CARD8: variants seen among roughly 807,000 people sequenced by gnomAD.
The protein encoded by CARD8 is caspase recruitment domain-containing protein 8.
A neutral mutation model predicts 53.2 loss-of-function variants in CARD8; 38 were observed. That is an observed-to-expected ratio of 0.71 (90% CI 0.55 to 0.94). The LOEUF (loss-of-function observed/expected upper bound fraction) is 0.94. Ranked by LOEUF, CARD8 falls within the 40% of genes least tolerant of loss-of-function variation. The pLI is 0.00. For synonymous variants in CARD8, 245 were observed against 244.9 expected (o/e 1.00, Z 0.00); for missense variants, 561 against 655.5 (o/e 0.86, Z 1.57).
downstream of CARD8, among the ~76,000 whole-genome samples, chr19:48,206,722 A>G (rs999459710): frequency 2.6e-5 from 4 of 152,006 alleles, no homozygotes; most frequent in Non-Finnish European, 5.9e-5. Flanking sequence ...TCTGGAGTGT[A>G]CTTTCACTTC....
chr19:48,215,237 GTA>G, intron 13 of CARD8, 101 bp downstream of exon 13: 1 of 811,202 alleles, frequency 1.2e-6, no homozygotes, highest in South Asian at 1.4e-5. Context: ...TTTGCTGCCA[GTA>G]ACGTTCTGGT....
Position 48,248,920 on chromosome 19 carries a change from G to A in CARD8, c.-44+603C>T, listed in dbSNP as rs144036311. On this transcript the variant is annotated intron_variant, in intron 3 of 13. Coordinates refer to ENST00000651546, the MANE Select transcript of CARD8 (RefSeq NM_001184900.3). Reference sequence around the variant, plus strand: ...AATATTTAAAATGTACTATTGGGCCGGGCACGGTGGCTCACGCCTGTAATC... The same window carrying A: ...AATATTTAAAATGTACTATTGGGCCAGGCACGGTGGCTCACGCCTGTAATC... 4.8e-3 allele frequency among the ~76,000 whole-genome samples: 733 copies of A among 152,222 alleles called. 8 individuals are homozygous for A. The highest frequency in any genetic ancestry group is 0.017 in the African/African-American group (696 of 41,520).
chr19:48,209,538 A>G lies in CARD8; in HGVS notation c.*2172T>C, dbSNP rs2037690386. The G allele has an allele frequency of 6.6e-6, 1 of 152,202 alleles. No homozygotes were observed. The highest frequency in any genetic ancestry group is 1.5e-5 in the Non-Finnish European group (1 of 68,036). 9.4% of individuals were successfully genotyped at this position (152,202 alleles called of 1,614,324 possible). A position where few individuals can be genotyped will look rare whatever the true frequency, so the allele number is the denominator to read the frequency against. ...CCAATCAGAATAATGGAAAAAATGA[A>G]AAGATGTTCTAAATAAGTAGAATAT... On this transcript the variant is annotated 3_prime_UTR_variant, in exon 14 of 14. Coordinates refer to ENST00000651546, the MANE Select transcript of CARD8 (RefSeq NM_001184900.3).
At chr19:48,207,706 ACTT>A (rs935297795), downstream of CARD8, among the ~76,000 whole-genome samples, 6 of 120,432 alleles carry the variant, frequency 5.0e-5, no homozygotes, top group Admixed American at 8.3e-5. Context: ...ATTCTAATGA[ACTT>A]CTTCTTTTTT....
In CARD8 at chr19:48,238,398, C is replaced by A; in HGVS notation, c.194G>T (p.Cys65Phe). 2.0e-6 allele frequency: 3 copies of A among 1,535,886 alleles called. No individual in the cohort carries two copies. Among genetic ancestry groups the A allele is most frequent in the Non-Finnish European group, 2.6e-6 (3 of 1,146,844 alleles). ...TGTCCCTTACGTATCATTTGTCACA[C>A]AGGCCTCAGCCTGAAAAAAAATTCC... ...KTGIFFQAEA[C>F]VTNDTVYREL... is the part of the protein sequence containing the mutation. Residue 65 changes from cysteine to phenylalanine, a missense_variant, in exon 5 of 14, where the codon TGT (cysteine) becomes TTT (phenylalanine). Physicochemically the swap from Cys to Phe is radical, Grantham distance 205. Transcript: ENST00000651546.
chr19:48,216,201 A>G (rs1196835036), intron 12 of CARD8, among the ~76,000 whole-genome samples: 1 of 152,144 alleles, frequency 6.6e-6, no homozygotes, highest in African/African-American at 2.4e-5. Context: ...AAAGTAAACA[A>G]TGTAAAAATA....
chr19:48,234,302 T>C lies in CARD8; in HGVS notation c.350+101A>G. Reference sequence around the variant, plus strand: ...TTGCATAAGCTCATTCATTCTCCCCTGAGTTCGATGAAAAACACCCAAATT... The same window carrying C: ...TTGCATAAGCTCATTCATTCTCCCCCGAGTTCGATGAAAAACACCCAAATT... On this transcript the variant is annotated intron_variant, in intron 6 of 13. Coordinates refer to ENST00000651546, the MANE Select transcript of CARD8 (RefSeq NM_001184900.3). 4 of 1,214,506 alleles carry C rather than the reference T, an allele frequency of 3.3e-6. No individual in the cohort carries two copies. The South Asian group carries it at 6.0e-5, about 18-fold the overall frequency. The allele number at this position is 1,214,506 out of a possible 1,614,324, so 75.2% of individuals were successfully genotyped here. A position where few individuals can be genotyped will look rare whatever the true frequency, so the allele number is the denominator to read the frequency against.
intron 10 of CARD8, chr19:48,223,913 A>C (rs752025226): frequency 1.3e-4 from 59 of 456,172 alleles, no homozygotes; most frequent in African/African-American, 1.1e-3. Flanking sequence ...GGATGAATAA[A>C]TGGGTTTCCC....
chr19:48,230,932 G>A lies in CARD8; in HGVS notation c.617C>T (p.Thr206Ile), dbSNP rs1427156809. 1.7e-5 allele frequency: 27 copies of A among 1,614,180 alleles called. No homozygotes were observed. The highest frequency in any genetic ancestry group is 2.2e-5 in the Non-Finnish European group (26 of 1,180,038). ...GLGFLVRDEV[T>I]VTIAFGSWSQ... ...CCAGGAACCAAACGCAATCGTCACTGTGACCTCATCCCTTACCAGGAAGCC... is the reference window on the plus strand; with the variant it reads ...CCAGGAACCAAACGCAATCGTCACTATGACCTCATCCCTTACCAGGAAGCC... The change falls in exon 9 of 14, where the codon ACA (threonine) becomes ATA (isoleucine). Residue 206 changes from threonine (T) to isoleucine (I), a missense_variant. Coordinates refer to ENST00000651546, the MANE Select transcript of CARD8 (RefSeq NM_001184900.3).
Position 48,215,393 on chromosome 19 carries a change from G to A in CARD8, c.1304-9C>T, listed in dbSNP as rs376558274. The A allele has an allele frequency of 4.8e-5, 77 of 1,601,860 alleles. No individual in the cohort carries two copies. Among genetic ancestry groups the A allele is most frequent in the Non-Finnish European group, 6.2e-5 (73 of 1,169,370 alleles). On this transcript the variant is annotated splice_polypyrimidine_tract_variant and intron_variant, in intron 12 of 13. Transcript: ENST00000651546. ...TACAAGCTGGAGATCCACTACAAAA[G>A]AGGGAAAAATTATATGATGAGATGA...
intron 11 of CARD8, 53 bp from the exon 12 acceptor site, chr19:48,219,065 C>T: frequency 6.3e-7 from 1 of 1,576,308 alleles, no homozygotes; most frequent in Non-Finnish European, 8.7e-7. Context: ...AAAGGCCCGG[C>T]TCCCTACAGT....
intron 3 of CARD8, among the ~76,000 whole-genome samples, chr19:48,245,293 T>G (rs1041244945): frequency 2.0e-5 from 3 of 152,282 alleles, no homozygotes; most frequent in African/African-American, 7.2e-5. Flanking sequence ...CACTGCAACC[T>G]CTGCATCCTG....
At chr19:48,232,965 C>A in intron 6 of CARD8, 1 of 364,510 alleles carries the variant, frequency 2.7e-6, no homozygotes, top group Non-Finnish European at 5.3e-6. Context: ...TTGATTGCTC[C>A]GATTGGTATC....
intron 1 of CARD8, among the ~76,000 whole-genome samples, chr19:48,252,803 G>GTA (rs370220292): frequency 0.058 from 3,527 of 60,796 alleles, 82 homozygotes; most frequent in Middle Eastern, 0.16. Context: ...GGCCTTATCA[G>GTA]TATATACACA....
At chr19:48,246,646 T>C (rs1025852542) in intron 3 of CARD8, among the ~76,000 whole-genome samples, 1 of 151,824 alleles carries the variant, frequency 6.6e-6, no homozygotes, top group African/African-American at 2.4e-5. Context: ...TAGAAATAGG[T>C]AGACAAAGGA....
downstream of CARD8, among the ~76,000 whole-genome samples, chr19:48,204,930 G>C (rs1485721709): frequency 6.6e-6 from 1 of 152,148 alleles, no homozygotes; most frequent in East Asian, 1.9e-4. Flanking sequence ...TTCTAATTTC[G>C]GAAAATGCAT....
At chr19:48,247,350 C>A (rs574904841) in intron 3 of CARD8, among the ~76,000 whole-genome samples, 65 of 152,098 alleles carry the variant, frequency 4.3e-4, no homozygotes, top group African/African-American at 1.6e-3. Context: ...ATAAAATAAA[C>A]TAAAATTTGA....
intron 4 of CARD8, among the ~76,000 whole-genome samples, chr19:48,240,542 G>A (rs192035282): frequency 6.6e-6 from 1 of 152,230 alleles, no homozygotes; most frequent in Admixed American, 6.5e-5. Flanking sequence ...GCCGAGGTGG[G>A]TGGATCACCT....
chr19:48,207,552 C>T (rs2037404621), downstream of CARD8, among the ~76,000 whole-genome samples: 1 of 151,924 alleles, frequency 6.6e-6, no homozygotes, highest in Non-Finnish European at 1.5e-5. Context: ...TGTTCATTGT[C>T]CATTGCGATT....
Sources: allele counts gnomAD v4.1 joint callset (sites outside exome capture counted in the v4.1 genomes callset), GRCh38; gene constraint gnomAD v4.1.1; transcripts MANE v1.5; gene names NCBI Gene and HGNC (gene_info 2026-07-23, HGNC 2026-07-21).